The following IGF1R variants were observed in gnomAD, a reference collection of about 807,000 sequenced individuals.
IGF1R encodes the protein insulin like growth factor 1 receptor.
IGF1R carries 44 observed loss-of-function variants against 144.6 expected under a neutral mutation model. That is an observed-to-expected ratio of 0.30 (90% CI 0.24 to 0.39). The LOEUF is 0.39. Ranked by LOEUF, IGF1R falls within the 10% of genes least tolerant of loss-of-function variation. IGF1R has a pLI of 1.00. For missense variants in IGF1R, 1,355 were observed against 1,833.7 expected (o/e 0.74, Z 4.77); for synonymous variants, 795 against 722.8 (o/e 1.10, Z -1.60).
chr15:98,881,924 G>A (rs2013404441), intron 2 of IGF1R, among the ~76,000 whole-genome samples: 1 of 152,184 alleles, frequency 6.6e-6, no homozygotes, highest in African/African-American at 2.4e-5. Flanking sequence ...ACAAAGTCCT[G>A]TATTCAGAAT....
intron 2 of IGF1R, among the ~76,000 whole-genome samples, chr15:98,735,993 A>G (rs1596249844): frequency 6.6e-6 from 1 of 152,350 alleles, no homozygotes; most frequent in Non-Finnish European, 1.5e-5. Flanking sequence ...TTTTGGGATC[A>G]CTCACCAATA....
intron 18 of IGF1R, among the ~76,000 whole-genome samples, chr15:98,940,292 C>A (rs899978399): frequency 1.3e-5 from 2 of 152,238 alleles, no homozygotes; most frequent in African/African-American, 4.8e-5. Context: ...AGTTCTTGAA[C>A]TGCCTTTTCT....
intron 2 of IGF1R, among the ~76,000 whole-genome samples, chr15:98,755,071 T>C (rs969411366): frequency 1.3e-5 from 2 of 152,232 alleles, no homozygotes; most frequent in Admixed American, 1.3e-4. Context: ...ATAAAAGATA[T>C]ATATAGAAAA....
intron 2 of IGF1R, chr15:98,873,603 C>T (rs540674425): frequency 1.3e-5 from 2 of 152,320 alleles, no homozygotes; most frequent in Admixed American, 1.3e-4. Context: ...TTTCTTTAAG[C>T]CTCTGGCTAA....
intron 19 of IGF1R, among the ~76,000 whole-genome samples, chr15:98,944,950 T>C (rs1239036906): frequency 6.6e-6 from 1 of 152,250 alleles, no homozygotes; most frequent in African/African-American, 2.4e-5. Context: ...CTTGATAAGA[T>C]AGGTCTAGGA....
Position 98,842,723 on chromosome 15 carries a change from G to T in IGF1R, c.641-48602G>T, listed in dbSNP as rs1254782852. ...AGGCCAGTGTGCATATGTGTGTAAT[G>T]CTTTAAAGAACAATTTTGACAAGAA... On this transcript the variant is annotated intron_variant, in intron 2 of 20. Coordinates refer to ENST00000650285, the MANE Select transcript of IGF1R (RefSeq NM_000875.5). Among the ~76,000 whole-genome samples, 5 of 152,208 alleles carry T rather than the reference G, an allele frequency of 3.3e-5. No homozygotes were observed. In the East Asian group the frequency reaches 9.6e-4, roughly 29 times the overall value.
At position 98,878,663 on chromosome 15, in the gene IGF1R, C is replaced by CAAAAAA. The variant is rs138285597; in HGVS notation, c.641-12635_641-12630dup. ...TCTCTCTTCTTATTTGTGAAAGACT[C>CAAAAAA]AAAAAAAAAAAAAAAAAAAAAAAAA... On this transcript the variant is annotated intron_variant, in intron 2 of 20. Coordinates refer to ENST00000650285, the MANE Select transcript of IGF1R (RefSeq NM_000875.5). 4.6e-3 allele frequency among the ~76,000 whole-genome samples: 267 copies of CAAAAAA among 57,838 alleles called. 9 individuals carry two copies. The highest frequency in any genetic ancestry group is 0.011 in the African/African-American group (103 of 9,602). 37.9% of individuals were successfully genotyped at this position (57,838 alleles called of 152,430 possible).
At chr15:98,946,617 A>G (rs1016129975) in intron 19 of IGF1R, among the ~76,000 whole-genome samples, 8 of 152,222 alleles carry the variant, frequency 5.3e-5, no homozygotes, top group African/African-American at 1.7e-4. Context: ...CATGGGTGAC[A>G]GCAGGCAGAC....
chr15:98,814,823 A>AG (rs2056661982), intron 2 of IGF1R, among the ~76,000 whole-genome samples: 3 of 152,244 alleles, frequency 2.0e-5, no homozygotes, highest in South Asian at 4.1e-4. Flanking sequence ...GCGTGGCTCT[A>AG]CCTGGGAGAA....
chr15:98,687,881 TACTTA>T (rs1038390075), intron 1 of IGF1R, among the ~76,000 whole-genome samples: 1 of 145,588 alleles, frequency 6.9e-6, no homozygotes, highest in Non-Finnish European at 1.5e-5. Flanking sequence ...AGGCCGAAGT[TACTTA>T]ACTTCCTTGC....
chr15:98,792,291 A>G (rs898260774), intron 2 of IGF1R, among the ~76,000 whole-genome samples: 2 of 152,206 alleles, frequency 1.3e-5, no homozygotes, highest in African/African-American at 4.8e-5. Flanking sequence ...CAGCAAGAAG[A>G]GCAGATGACT....
At chr15:98,872,449 C>G (rs905510163) in intron 2 of IGF1R, among the ~76,000 whole-genome samples, 1 of 152,150 alleles carries the variant, frequency 6.6e-6, no homozygotes, top group African/African-American at 2.4e-5. Flanking sequence ...GGACATCTCT[C>G]CTACCCCATG....
intron 2 of IGF1R, among the ~76,000 whole-genome samples, chr15:98,872,432 C>T (rs1270046530): frequency 6.6e-6 from 1 of 152,130 alleles, no homozygotes; most frequent in Admixed American, 6.5e-5. Context: ...GGTCATAATG[C>T]GAGACTGGAC....
At chr15:98,773,664 A>G (rs959761985) in intron 2 of IGF1R, among the ~76,000 whole-genome samples, 1 of 152,174 alleles carries the variant, frequency 6.6e-6, no homozygotes, top group Admixed American at 6.5e-5. Context: ...CCCCTCCCCC[A>G]AAAGATGGAC....
At chr15:98,678,445 C>T (rs1336843319) in intron 1 of IGF1R, among the ~76,000 whole-genome samples, 1 of 151,324 alleles carries the variant, frequency 6.6e-6, no homozygotes, top group East Asian at 1.9e-4. Flanking sequence ...AATAAACTGT[C>T]CTTTGAAGGT....
rs192556055 is a variant in IGF1R, at chr15:98,806,425, C to G, written c.641-84900C>G. Among the ~76,000 whole-genome samples the G allele has an allele frequency of 2.6e-5, 4 of 152,268 alleles. No individual in the cohort carries two copies. The East Asian group carries it at 7.7e-4, about 29-fold the overall frequency. Reference sequence around the variant, plus strand: ...CCCCAGCCTCCCTTGTCATGTCCCACCTCTGCTGGCATCTGTGGGCTTAAA... The same window carrying G: ...CCCCAGCCTCCCTTGTCATGTCCCAGCTCTGCTGGCATCTGTGGGCTTAAA... On this transcript the variant is annotated intron_variant, in intron 2 of 20. Coordinates refer to ENST00000650285, the MANE Select transcript of IGF1R (RefSeq NM_000875.5).
chr15:98,883,022 C>T (rs2013457146), intron 2 of IGF1R, among the ~76,000 whole-genome samples: 1 of 152,208 alleles, frequency 6.6e-6, no homozygotes, highest in African/African-American at 2.4e-5. Context: ...TAGGTTCAGA[C>T]AGACAAACTG....
intron 10 of IGF1R, among the ~76,000 whole-genome samples, chr15:98,920,815 G>A (rs1309808626): frequency 6.6e-6 from 1 of 152,190 alleles, no homozygotes; most frequent in South Asian, 2.1e-4. Context: ...GAAGGACCGT[G>A]TTTTCCTCAG....
At chr15:98,893,572 C>T (rs1371160806) in intron 3 of IGF1R, 1 of 152,252 alleles carries the variant, frequency 6.6e-6, no homozygotes, top group African/African-American at 2.4e-5. Flanking sequence ...ATTCAGACGT[C>T]ACCTTCCTCC....
Sources: gnomAD v4.1 joint callset for allele counts (sites outside exome capture counted in the v4.1 genomes callset) on GRCh38, gnomAD v4.1.1 for gene constraint, MANE v1.5 for transcripts, NCBI Gene and HGNC (gene_info 2026-07-23, HGNC 2026-07-21) for gene names.